The following CNTNAP2 variants were observed in gnomAD, a reference collection of about 807,000 sequenced individuals.
The protein encoded by CNTNAP2 is contactin-associated protein-like 2.
CNTNAP2 carries 98 observed loss-of-function variants against 155.2 expected under a neutral mutation model. That is an observed-to-expected ratio of 0.63 (90% CI 0.54 to 0.75). The LOEUF (loss-of-function observed/expected upper bound fraction) is 0.75. CNTNAP2 is among the 30% of genes least tolerant of loss of function. CNTNAP2 has a pLI of 0.00. For synonymous variants in CNTNAP2, 651 were observed against 631.2 expected (o/e 1.03, Z -0.47); for missense variants, 1,727 against 1,688.1 (o/e 1.02, Z -0.40).
At chr7:147,973,559 T>A (rs1182370032) in intron 14 of CNTNAP2, among the ~76,000 whole-genome samples, 1 of 152,202 alleles carries the variant, frequency 6.6e-6, no homozygotes, top group Non-Finnish European at 1.5e-5. Context: ...CTTAGTATGG[T>A]ATATTGATAG....
intron 8 of CNTNAP2, among the ~76,000 whole-genome samples, chr7:147,268,347 G>A (rs1488006646): frequency 6.6e-6 from 1 of 152,050 alleles, no homozygotes. Flanking sequence ...CATGAAAAAG[G>A]ATGAGTTCAT....
At chr7:146,860,651 A>ATTAATGTTAGT (rs1795079602) in intron 3 of CNTNAP2, among the ~76,000 whole-genome samples, 1 of 152,192 alleles carries the variant, frequency 6.6e-6, no homozygotes, top group Non-Finnish European at 1.5e-5. Flanking sequence ...TATTTTAAAA[A>ATTAATGTTAGT]TTAATGTTAG....
chr7:146,299,321 C>A (rs1025171998), intron 1 of CNTNAP2, among the ~76,000 whole-genome samples: 1 of 151,974 alleles, frequency 6.6e-6, no homozygotes, highest in African/African-American at 2.4e-5. Flanking sequence ...GTGTTCTTAG[C>A]AAATTCCTTG....
At chr7:146,451,237 T>C (rs561028705) in intron 1 of CNTNAP2, among the ~76,000 whole-genome samples, 38 of 152,276 alleles carry the variant, frequency 2.5e-4, no homozygotes, top group East Asian at 1.9e-3. Flanking sequence ...TGAGCCACCG[T>C]GCCCAGCCAT....
intron 1 of CNTNAP2, among the ~76,000 whole-genome samples, chr7:146,343,007 G>T (rs1173400354): frequency 6.6e-6 from 1 of 152,026 alleles, no homozygotes; most frequent in Non-Finnish European, 1.5e-5. Flanking sequence ...TTCCACACTT[G>T]GGATCTAGAA....
intron 3 of CNTNAP2, among the ~76,000 whole-genome samples, chr7:146,990,622 A>G (rs1198286585): frequency 1.3e-5 from 2 of 152,102 alleles, no homozygotes; most frequent in South Asian, 2.1e-4. Flanking sequence ...CTTGTTCATA[A>G]TTAAACATTT....
intron 1 of CNTNAP2, among the ~76,000 whole-genome samples, chr7:146,249,009 G>A (rs1415948449): frequency 6.6e-6 from 1 of 152,168 alleles, no homozygotes; most frequent in East Asian, 1.9e-4. Flanking sequence ...GGCGGTCAGA[G>A]TGGGGGTCAC....
At position 147,331,622 on chromosome 7, in the gene CNTNAP2, G is replaced by C. The variant is rs6952525; in HGVS notation, c.1498+31332G>C. Among the ~76,000 whole-genome samples the C allele has an allele frequency of 2.6e-5, 4 of 151,986 alleles. No homozygotes were observed. The South Asian group carries it at 8.3e-4, about 32-fold the overall frequency. ...GAGACAGAGACACAAATGAGACTTA[G>C]AAAAAGCAGGTAGAGGGATCGGCAG... On this transcript the variant is annotated intron_variant, in intron 9 of 23. Coordinates refer to ENST00000361727, the MANE Select transcript of CNTNAP2 (RefSeq NM_014141.6).
chr7:148,141,341 T>G (rs1291172491), intron 16 of CNTNAP2, among the ~76,000 whole-genome samples: 1 of 152,272 alleles, frequency 6.6e-6, no homozygotes, highest in Non-Finnish European at 1.5e-5. Flanking sequence ...TTTAGCTACA[T>G]TTGTTTTAAA....
intron 11 of CNTNAP2, among the ~76,000 whole-genome samples, chr7:147,553,171 A>G (rs116108147): frequency 0.011 from 1,622 of 152,324 alleles, 35 homozygotes; most frequent in African/African-American, 0.036. Flanking sequence ...AAGAAGCAGG[A>G]GTTCCCCTAG....
intron 1 of CNTNAP2, among the ~76,000 whole-genome samples, chr7:146,714,809 T>C (rs1801158882): frequency 6.6e-6 from 1 of 152,170 alleles, no homozygotes; most frequent in African/African-American, 2.4e-5. Flanking sequence ...TCAAAATAAG[T>C]GACAAGAGAT....
intron 3 of CNTNAP2, among the ~76,000 whole-genome samples, chr7:146,971,231 A>G (rs530368622): frequency 6.6e-6 from 1 of 152,238 alleles, no homozygotes; most frequent in South Asian, 2.1e-4. Flanking sequence ...AATACTAAAG[A>G]AAGTCTTTTT....
chr7:147,885,850 G>A (rs1199928349), intron 13 of CNTNAP2, among the ~76,000 whole-genome samples: 1 of 152,150 alleles, frequency 6.6e-6, no homozygotes, highest in Admixed American at 6.5e-5. Context: ...TAGGGAAGAT[G>A]AGCACATAAA....
chr7:146,248,500 AGTTTTGGGTCCAGG>A (rs1157812975), intron 1 of CNTNAP2, among the ~76,000 whole-genome samples: 3 of 152,140 alleles, frequency 2.0e-5, no homozygotes, highest in African/African-American at 7.2e-5. Flanking sequence ...CCAGCGCCGG[AGTTTTGGGTCCAGG>A]GATAAAACGT....
chr7:148,160,979 C>T, intron 17 of CNTNAP2, among the ~76,000 whole-genome samples: 1 of 152,154 alleles, frequency 6.6e-6, no homozygotes, highest in East Asian at 1.9e-4. Flanking sequence ...TTTATTCATT[C>T]CTATTGTCTT....
At chr7:146,278,011 T>C (rs1563018820) in intron 1 of CNTNAP2, among the ~76,000 whole-genome samples, 1 of 152,184 alleles carries the variant, frequency 6.6e-6, no homozygotes, top group Non-Finnish European at 1.5e-5. Flanking sequence ...GATCGAGCTA[T>C]GGGCACGTGA....
chr7:147,857,006 A>C (rs1238397257), intron 13 of CNTNAP2, among the ~76,000 whole-genome samples: 2 of 152,212 alleles, frequency 1.3e-5, no homozygotes, highest in African/African-American at 4.8e-5. Context: ...AAAGGGAGAG[A>C]CAGAGGCTGG....
intron 13 of CNTNAP2, among the ~76,000 whole-genome samples, chr7:147,734,190 A>T (rs1413676709): frequency 6.6e-6 from 1 of 152,214 alleles, no homozygotes; most frequent in Non-Finnish European, 1.5e-5. Context: ...GATACATCCC[A>T]TCAATACCTA....
At chr7:146,339,381 T>C (rs1203323834) in intron 1 of CNTNAP2, among the ~76,000 whole-genome samples, 1 of 152,164 alleles carries the variant, frequency 6.6e-6, no homozygotes, top group African/African-American at 2.4e-5. Context: ...AAACCAAAAG[T>C]TTGATTTACC....
Sources: allele counts gnomAD v4.1 joint callset (sites outside exome capture counted in the v4.1 genomes callset), GRCh38; gene constraint gnomAD v4.1.1; transcripts MANE v1.5; gene names NCBI Gene and HGNC (gene_info 2026-07-23, HGNC 2026-07-21).